Variants in TP63 observed in about 807,000 individuals in gnomAD.
The protein encoded by TP63 is tumor protein p63.
Under a neutral mutation model 82.8 loss-of-function variants are expected in TP63, and 17 were observed. That is an observed-to-expected ratio of 0.21 (90% CI 0.14 to 0.31). The LOEUF (loss-of-function observed/expected upper bound fraction) is 0.31. TP63 is among the 10% of genes least tolerant of loss of function. The pLI is 1.00. For missense variants in TP63, 648 were observed against 895.3 expected (o/e 0.72, Z 3.52); for synonymous variants, 330 against 321.7 (o/e 1.03, Z -0.28).
chr3:189,679,095 A>G (rs1715692054), intron 1 of TP63, among the ~76,000 whole-genome samples: 1 of 152,060 alleles, frequency 6.6e-6, no homozygotes, highest in Admixed American at 6.6e-5. Flanking sequence ...TTCAGTGAAC[A>G]TGGGGGTGCA....
intron 5 of TP63, among the ~76,000 whole-genome samples, chr3:189,864,866 G>A (rs1717504462): frequency 6.6e-6 from 1 of 152,096 alleles, no homozygotes; most frequent in Non-Finnish European, 1.5e-5. Flanking sequence ...AATTAGCTGG[G>A]CATGGTGGCG....
chr3:189,672,672 G>A (rs199995677), intron 1 of TP63, among the ~76,000 whole-genome samples: 8 of 62,718 alleles, frequency 1.3e-4, no homozygotes, highest in Non-Finnish European at 2.0e-4. Context: ...AAAGAAGGAA[G>A]GAAGGAAGGA....
At chr3:189,775,106 G>A (rs1723679460) in intron 3 of TP63, among the ~76,000 whole-genome samples, 1 of 151,764 alleles carries the variant, frequency 6.6e-6, no homozygotes, top group African/African-American at 2.4e-5. Flanking sequence ...TATAGTCCCA[G>A]CTCCTTGGGA....
At chr3:189,800,475 TAA>T (rs72295286) in intron 3 of TP63, among the ~76,000 whole-genome samples, 6 of 134,870 alleles carry the variant, frequency 4.4e-5, no homozygotes, top group Admixed American at 7.3e-5. Context: ...CTTTAATGAG[TAA>T]AAAAAAAAAA....
chr3:189,634,356 A>C (rs1729639682), intron 1 of TP63, among the ~76,000 whole-genome samples: 5 of 152,082 alleles, frequency 3.3e-5, no homozygotes, highest in Admixed American at 2.6e-4. Context: ...AATAGAAAAA[A>C]AAATGACAGA....
intron 4 of TP63, among the ~76,000 whole-genome samples, chr3:189,847,028 A>G (rs1270917609): frequency 1.3e-5 from 2 of 152,072 alleles, no homozygotes; most frequent in Non-Finnish European, 2.9e-5. Flanking sequence ...AAATCTGGTA[A>G]CTGCGTTCTC....
intron 3 of TP63, among the ~76,000 whole-genome samples, chr3:189,743,637 A>G (rs752816813): frequency 6.6e-6 from 1 of 152,222 alleles, no homozygotes; most frequent in African/African-American, 2.4e-5. Context: ...AGTCTTCAAA[A>G]TGGTTGACTG....
intron 3 of TP63, among the ~76,000 whole-genome samples, chr3:189,774,647 G>A (rs1270211633): frequency 6.6e-6 from 1 of 152,056 alleles, no homozygotes; most frequent in Non-Finnish European, 1.5e-5. Flanking sequence ...AACCCTTACA[G>A]TTACCTGTAA....
intron 4 of TP63, among the ~76,000 whole-genome samples, chr3:189,826,064 G>T (rs1729317289): frequency 6.6e-6 from 1 of 152,170 alleles, no homozygotes; most frequent in Admixed American, 6.5e-5. Flanking sequence ...AAAATATTAA[G>T]GACATTTAAA....
intron 10 of TP63, chr3:189,873,372 T>C (rs944291391): frequency 2.3e-4 from 74 of 321,784 alleles, no homozygotes; most frequent in Admixed American, 3.9e-4. Flanking sequence ...TGGATTGTCT[T>C]ATAAATCTCC....
chr3:189,726,505 A>G (rs1467859791), intron 1 of TP63, among the ~76,000 whole-genome samples: 2 of 152,222 alleles, frequency 1.3e-5, no homozygotes, highest in Non-Finnish European at 2.9e-5. Context: ...TTGAATCATT[A>G]TGTAGCAATA....
chr3:189,699,463 G>A (rs1234298692), intron 1 of TP63, among the ~76,000 whole-genome samples: 1 of 152,146 alleles, frequency 6.6e-6, no homozygotes, highest in Non-Finnish European at 1.5e-5. Flanking sequence ...CTTGGAGTCG[G>A]AGAGGAACTT....
chr3:189,882,977 A>G (rs915259542), intron 10 of TP63, among the ~76,000 whole-genome samples: 7 of 152,200 alleles, frequency 4.6e-5, no homozygotes, highest in Non-Finnish European at 1.0e-4. Context: ...CTCTAGAGAA[A>G]ACAACCTGAG....
chr3:189,851,981 AG>A (rs1446639889), intron 4 of TP63, among the ~76,000 whole-genome samples: 8 of 152,208 alleles, frequency 5.3e-5, no homozygotes, highest in Non-Finnish European at 8.8e-5. Context: ...AGTAGGAAAC[AG>A]GGAACGGGAG....
intron 3 of TP63, among the ~76,000 whole-genome samples, chr3:189,804,014 A>C (rs1160609176): frequency 2.6e-5 from 4 of 152,158 alleles, no homozygotes; most frequent in Non-Finnish European, 5.9e-5. Context: ...GAAAGGGAGA[A>C]CCTGCTTCCT....
At chr3:189,875,609 T>TATATATATATACACAC (rs1179610451) in intron 10 of TP63, among the ~76,000 whole-genome samples, 12 of 62,986 alleles carry the variant, frequency 1.9e-4, no homozygotes, top group East Asian at 4.1e-4. Context: ...TATATATATA[T>TATATATATATACACAC]ATATATATAT....
intron 1 of TP63, among the ~76,000 whole-genome samples, chr3:189,707,472 A>G (rs763784698): frequency 6.6e-6 from 1 of 152,140 alleles, no homozygotes; most frequent in Non-Finnish European, 1.5e-5. Flanking sequence ...GTCGTCATCT[A>G]TATACATTTG....
At chr3:189,890,273 C>G (rs527520127) in intron 12 of TP63, among the ~76,000 whole-genome samples, 34 of 152,126 alleles carry the variant, frequency 2.2e-4, no homozygotes, top group African/African-American at 7.2e-4. Flanking sequence ...AGTCTCAGAC[C>G]AGCACCAAAA....
chr3:189,660,314 G>A (rs1296681072), intron 1 of TP63, among the ~76,000 whole-genome samples: 2 of 151,842 alleles, frequency 1.3e-5, no homozygotes, highest in African/African-American at 4.8e-5. Context: ...AGTCCTTTCC[G>A]CATGCTTATT....
Sources: gnomAD v4.1 joint callset for allele counts (sites outside exome capture counted in the v4.1 genomes callset) on GRCh38, gnomAD v4.1.1 for gene constraint, MANE v1.5 for transcripts, NCBI Gene and HGNC (gene_info 2026-07-23, HGNC 2026-07-21) for gene names.